The following PAPOLG variants were observed in gnomAD, a reference collection of about 807,000 sequenced individuals.
PAPOLG encodes PAP-gamma.
PAPOLG carries 40 observed loss-of-function variants against 99.0 expected under a neutral mutation model. That is an observed-to-expected ratio of 0.40 (90% CI 0.31 to 0.53). The LOEUF (loss-of-function observed/expected upper bound fraction) is 0.53. Among genes scored for constraint, PAPOLG ranks in the 20% least tolerant of loss-of-function variants. PAPOLG has a pLI of 0.41. For synonymous variants in PAPOLG, 310 were observed against 299.3 expected, an observed-to-expected ratio of 1.04 and a Z score of -0.37; for missense variants, 675 against 884.1, an observed-to-expected ratio of 0.76 and a Z score of 3.00.
At chr2:60,765,776 T>C (rs936560651) in intron 3 of PAPOLG, among the ~76,000 whole-genome samples, 5 of 152,218 alleles carry the variant, frequency 3.3e-5, no homozygotes, top group African/African-American at 1.2e-4. Flanking sequence ...AAGATTTTTT[T>C]AAGGTCCTGT....
At chr2:60,773,873 C>A (rs1374350114) in intron 7 of PAPOLG, among the ~76,000 whole-genome samples, 1 of 152,088 alleles carries the variant, frequency 6.6e-6, no homozygotes, top group African/African-American at 2.4e-5. Flanking sequence ...CTGAGAGGTT[C>A]CTTTTGTCCA....
chr2:60,794,463 T>A (rs1671637745), intron 19 of PAPOLG: 1 of 566,738 alleles, frequency 1.8e-6, no homozygotes, highest in South Asian at 2.5e-5. Context: ...ATGCCCTGCT[T>A]CCAGTAGGTG....
intron 8 of PAPOLG, among the ~76,000 whole-genome samples, chr2:60,776,141 A>G (rs2103788992): frequency 6.6e-6 from 1 of 152,378 alleles, no homozygotes; most frequent in South Asian, 2.1e-4. Context: ...CTGTATTAGC[A>G]GACATGAAAG....
intron 15 of PAPOLG, chr2:60,791,535 A>G: frequency 3.1e-6 from 1 of 321,568 alleles, no homozygotes. Flanking sequence ...CTGGGCAGCA[A>G]GAGTGAAACT....
At chr2:60,770,433 T>G in intron 5 of PAPOLG, 25 bp from the exon 6 acceptor site, 3 of 1,574,858 alleles carry the variant, frequency 1.9e-6, no homozygotes, top group Non-Finnish European at 2.6e-6. Context: ...CACCTATGTG[T>G]TATAATTGTT....
chr2:60,771,144 C>T (rs1670840961), intron 6 of PAPOLG, among the ~76,000 whole-genome samples: 1 of 152,032 alleles, frequency 6.6e-6, no homozygotes. Context: ...TTGCCTTTAA[C>T]ATCAAAATAA....
rs1236315509 is a variant in PAPOLG, at chr2:60,786,998, G to A, written c.1218G>A (p.Arg406=). ...KIRVLVGNLE[R]NEFITLAHVN... is the part of the protein sequence containing the mutation. ...GTGTACTTGTTGGAAACTTGGAACG[G>A]AATGAATTTATTACTCTTGCCCATG... is the stretch of plus-strand genomic sequence containing the variant. The change falls in exon 14 of 22, where the codon CGG becomes CGA. Residue 406 remains arginine (R), a synonymous_variant. Coordinates refer to ENST00000238714, the MANE Select transcript of PAPOLG (RefSeq NM_022894.4). 1 of 1,612,838 alleles carries A rather than the reference G, an allele frequency of 6.2e-7. No individual in the cohort carries two copies. Among genetic ancestry groups the A allele is most frequent in the Non-Finnish European group, 8.5e-7 (1 of 1,179,124 alleles).
intron 13 of PAPOLG, among the ~76,000 whole-genome samples, chr2:60,785,245 T>G (rs923362732): frequency 6.6e-6 from 1 of 152,054 alleles, no homozygotes; most frequent in African/African-American, 2.4e-5. Context: ...TTCATGCCAT[T>G]CTCCTGCCTC....
At chr2:60,776,187 C>T (rs954549242) in intron 8 of PAPOLG, among the ~76,000 whole-genome samples, 1 of 152,008 alleles carries the variant, frequency 6.6e-6, no homozygotes, top group Admixed American at 6.6e-5. Context: ...CACTGGAGCT[C>T]GTGGGTGACT....
intron 9 of PAPOLG, 136 bp from the exon 10 acceptor site, chr2:60,780,571 C>A: frequency 1.2e-6 from 1 of 818,036 alleles, no homozygotes; most frequent in Non-Finnish European, 1.9e-6. Flanking sequence ...CCACCATGCT[C>A]GGCCTTTTTT....
At chr2:60,770,622 CTT>C (rs372540738) in intron 6 of PAPOLG, 111 bp downstream of exon 6, 2,341 of 496,626 alleles carry the variant, frequency 4.7e-3, no homozygotes, top group East Asian at 9.0e-3. Flanking sequence ...CAAGTAATCT[CTT>C]TTTTTTTTTT....
intron 8 of PAPOLG, among the ~76,000 whole-genome samples, chr2:60,778,112 C>A (rs1227941429): frequency 2.6e-5 from 4 of 152,064 alleles, no homozygotes; most frequent in African/African-American, 4.8e-5. Flanking sequence ...TGTAATAAAG[C>A]AAAACACAAC....
intron 8 of PAPOLG, 113 bp downstream of exon 8, chr2:60,775,236 C>A: frequency 1.6e-6 from 2 of 1,231,122 alleles, no homozygotes; most frequent in Non-Finnish European, 2.2e-6. Flanking sequence ...AGGTTAAGGG[C>A]CAATAAACTC....
At chr2:60,784,237 C>G (rs1204248614) in intron 13 of PAPOLG, among the ~76,000 whole-genome samples, 1 of 152,244 alleles carries the variant, frequency 6.6e-6, no homozygotes, top group Non-Finnish European at 1.5e-5. Context: ...TCCCAAAGTG[C>G]TGGAATTACA....
intron 9 of PAPOLG, 106 bp downstream of exon 9, chr2:60,779,881 T>C: frequency 3.0e-6 from 3 of 1,000,200 alleles, no homozygotes; most frequent in Non-Finnish European, 4.3e-6. Context: ...TGTTTTACAT[T>C]GCTTTGTAAA....
intron 8 of PAPOLG, among the ~76,000 whole-genome samples, chr2:60,775,562 T>TTA (rs1209915738): frequency 6.6e-6 from 1 of 152,208 alleles, no homozygotes; most frequent in Non-Finnish European, 1.5e-5. Context: ...TGTTACTAGT[T>TTA]TATATATATA....
chr2:60,789,932 A>G (rs138702628), intron 15 of PAPOLG, among the ~76,000 whole-genome samples: 132 of 152,268 alleles, frequency 8.7e-4, no homozygotes, highest in African/African-American at 3.1e-3. Flanking sequence ...CATCTCTACT[A>G]AATATACAAA....
At chr2:60,770,328 G>C in intron 5 of PAPOLG, 130 bp from the exon 6 acceptor site, 1 of 642,616 alleles carries the variant, frequency 1.6e-6, no homozygotes. Flanking sequence ...TAGTTAGAAA[G>C]GATAAAGAAG....
intron 15 of PAPOLG, 91 bp downstream of exon 15, chr2:60,787,711 A>G (rs1671407482): frequency 6.8e-7 from 1 of 1,478,154 alleles, no homozygotes; most frequent in Non-Finnish European, 9.1e-7. Context: ...TACTTATTAA[A>G]GTTCCACAAT....
Sources: allele counts gnomAD v4.1 joint callset (sites outside exome capture counted in the v4.1 genomes callset), GRCh38; gene constraint gnomAD v4.1.1; transcripts MANE v1.5; gene names NCBI Gene and HGNC (gene_info 2026-07-23, HGNC 2026-07-21).